Variants in PTPRT observed in about 807,000 individuals in gnomAD.
The protein encoded by PTPRT is receptor-type tyrosine-protein phosphatase T.
In PTPRT, 56 loss-of-function variants were observed where a neutral mutation model predicts 176.8. The observed-to-expected ratio is 0.32, with a 90% CI of 0.26 to 0.40. The LOEUF is 0.40. Among genes scored for constraint, PTPRT ranks in the 10% least tolerant of loss-of-function variants. The probability of loss-of-function intolerance (pLI) is 1.00; values close to 1 mark genes in which losing one functional copy is unlikely to be tolerated. For missense variants in PTPRT, 1,540 were observed against 1,908.2 expected (o/e 0.81, Z 3.60); for synonymous variants, 783 against 739.0 (o/e 1.06, Z -0.96).
intron 9 of PTPRT, among the ~76,000 whole-genome samples, chr20:42,396,718 T>C (rs1161431540): frequency 2.0e-5 from 3 of 152,160 alleles, no homozygotes; most frequent in Admixed American, 6.5e-5. Context: ...CCCAACACCA[T>C]GCTCAGCTAA....
chr20:42,728,274 C>A (rs2076409185), intron 6 of PTPRT, among the ~76,000 whole-genome samples: 1 of 152,160 alleles, frequency 6.6e-6, no homozygotes, highest in African/African-American at 2.4e-5. Context: ...ACCCCACCCT[C>A]AGATTCTGCT....
chr20:43,030,994 G>C (rs1422969366), intron 1 of PTPRT, among the ~76,000 whole-genome samples: 1 of 152,208 alleles, frequency 6.6e-6, no homozygotes, highest in Non-Finnish European at 1.5e-5. Context: ...GGATGGAGCA[G>C]AGGAAGAAGT....
chr20:42,980,891 A>G (rs891902392), intron 1 of PTPRT, among the ~76,000 whole-genome samples: 3 of 152,198 alleles, frequency 2.0e-5, no homozygotes, highest in Non-Finnish European at 4.4e-5. Context: ...CTGGGAAGCA[A>G]CCATTTGAAA....
intron 8 of PTPRT, among the ~76,000 whole-genome samples, chr20:42,461,534 T>G (rs2057377238): frequency 1.3e-5 from 2 of 152,028 alleles, no homozygotes; most frequent in Admixed American, 1.3e-4. Context: ...AACCCTATCT[T>G]TAAAACAAAA....
At chr20:42,766,311 G>A (rs898248237) in intron 5 of PTPRT, among the ~76,000 whole-genome samples, 2 of 152,106 alleles carry the variant, frequency 1.3e-5, no homozygotes, top group South Asian at 2.1e-4. Context: ...CACAGACCAC[G>A]GCATCATACA....
intron 13 of PTPRT, among the ~76,000 whole-genome samples, chr20:42,280,568 C>T (rs1038067179): frequency 8.5e-5 from 13 of 152,190 alleles, no homozygotes; most frequent in Non-Finnish European, 5.9e-5. Flanking sequence ...CCTATCCTTT[C>T]ACACACGCTT....
intron 7 of PTPRT, among the ~76,000 whole-genome samples, chr20:42,641,420 G>A (rs1386361236): frequency 6.6e-6 from 1 of 152,176 alleles, no homozygotes; most frequent in Non-Finnish European, 1.5e-5. Context: ...TGCAAGAATT[G>A]TCTTTGATGG....
intron 1 of PTPRT, among the ~76,000 whole-genome samples, chr20:42,890,142 A>G (rs2079168043): frequency 6.6e-6 from 1 of 152,238 alleles, no homozygotes; most frequent in Admixed American, 6.5e-5. Context: ...CATTCTCAAT[A>G]TAAATTGATA....
At chr20:42,521,986 C>T (rs890839080) in intron 7 of PTPRT, among the ~76,000 whole-genome samples, 2 of 151,738 alleles carry the variant, frequency 1.3e-5, no homozygotes, top group Non-Finnish European at 2.9e-5. Context: ...GGTATGACCG[C>T]CCTTTCAATA....
At chr20:43,171,410 C>A (rs2014996976) in intron 1 of PTPRT, among the ~76,000 whole-genome samples, 1 of 152,110 alleles carries the variant, frequency 6.6e-6, no homozygotes. Context: ...TTATGGAGCA[C>A]AAATTCCAGT....
intron 1 of PTPRT, among the ~76,000 whole-genome samples, chr20:43,024,589 C>CAA (rs34972558): frequency 6.4e-4 from 52 of 81,338 alleles, no homozygotes; most frequent in South Asian, 1.8e-3. Flanking sequence ...GACTCCATCT[C>CAA]AAAAAAAAAA....
intron 7 of PTPRT, among the ~76,000 whole-genome samples, chr20:42,624,778 A>C (rs78275479): frequency 0.012 from 1,801 of 152,350 alleles, 16 homozygotes; most frequent in Non-Finnish European, 0.019. Flanking sequence ...TTTTGTATTC[A>C]GTTAGCTATT....
intron 1 of PTPRT, among the ~76,000 whole-genome samples, chr20:43,064,550 A>G (rs1326334434): frequency 2.0e-5 from 3 of 152,232 alleles, no homozygotes; most frequent in Non-Finnish European, 4.4e-5. Context: ...ATGCAAGACA[A>G]ATACTTTTAG....
intron 9 of PTPRT, among the ~76,000 whole-genome samples, chr20:42,432,905 A>G (rs1016325374): frequency 5.9e-5 from 9 of 152,172 alleles, no homozygotes. Context: ...TAATCCGACT[A>G]TCTTGGGCAC....
At chr20:43,021,388 C>A (rs1428521320) in intron 1 of PTPRT, among the ~76,000 whole-genome samples, 1 of 152,158 alleles carries the variant, frequency 6.6e-6, no homozygotes, top group African/African-American at 2.4e-5. Context: ...CAGGTTAGGA[C>A]CACCTCTCAA....
intron 6 of PTPRT, among the ~76,000 whole-genome samples, chr20:42,756,105 T>C (rs2076828175): frequency 1.3e-5 from 2 of 152,204 alleles, no homozygotes; most frequent in South Asian, 4.1e-4. Context: ...TCAGAAACAA[T>C]AGTACGAGAA....
rs569182504 is a variant in PTPRT, at chr20:42,846,858, G to A, written c.214+38949C>T. 3.3e-5 allele frequency among the ~76,000 whole-genome samples: 5 copies of A among 152,264 alleles called. No individual in the cohort carries two copies. The South Asian group carries it at 6.2e-4, about 19-fold the overall frequency. ...TTTTCCTGTGTCTTAGGTCTCCCTC[G>A]AAAAGAATCAATGGAAGTAGGTACC... On this transcript the variant is annotated intron_variant, in intron 2 of 30. Coordinates refer to ENST00000373187, the MANE Select transcript of PTPRT (RefSeq NM_007050.6).
intron 13 of PTPRT, among the ~76,000 whole-genome samples, chr20:42,256,853 A>G (rs1293257776): frequency 6.6e-6 from 1 of 152,198 alleles, no homozygotes; most frequent in South Asian, 2.1e-4. Context: ...AGAAGTAAGG[A>G]TCACCCAACA....
intron 2 of PTPRT, among the ~76,000 whole-genome samples, chr20:42,850,430 G>C (rs2078448176): frequency 6.6e-6 from 1 of 152,182 alleles, no homozygotes; most frequent in African/African-American, 2.4e-5. Context: ...ACCTGAAAAG[G>C]CATTTGTTAA....
Sources: allele counts gnomAD v4.1 joint callset (sites outside exome capture counted in the v4.1 genomes callset), GRCh38; gene constraint gnomAD v4.1.1; transcripts MANE v1.5; gene names NCBI Gene and HGNC (gene_info 2026-07-23, HGNC 2026-07-21).